The following TLR10 variants were observed in gnomAD, a reference collection of about 807,000 sequenced individuals.
TLR10 encodes the protein toll like receptor 10, also known as toll-like receptor 10.
For synonymous variants in TLR10, 288 were observed against 338.8 expected (o/e 0.85, Z 1.65); for missense variants, 929 against 932.9 (o/e 1.00, Z 0.05).
chr4:38,772,495 C>T lies in TLR10; in HGVS notation c.*660G>A, dbSNP rs918020341. The T allele has an allele frequency of 1.3e-5, 2 of 152,024 alleles. No individual in the cohort carries two copies. The highest frequency in any genetic ancestry group is 6.6e-5 in the Admixed American group (1 of 15,260). The allele number at this position is 152,024 out of a possible 1,614,324, so 9.4% of individuals were successfully genotyped here. A position where few individuals can be genotyped will look rare whatever the true frequency, so the allele number is the denominator to read the frequency against. ...TTATAACATATTAATATGTTTTTTC[C>T]ATACCAGGAAATATACAGCTACCTT... On this transcript the variant is annotated 3_prime_UTR_variant, in exon 4 of 4. Coordinates refer to ENST00000308973, the MANE Select transcript of TLR10 (RefSeq NM_030956.4).
At chr4:38,775,716 T>G (rs933453385) in intron 3 of TLR10, 59 bp downstream of exon 3, 216 of 1,039,370 alleles carry the variant, frequency 2.1e-4, no homozygotes, top group Non-Finnish European at 2.7e-4. Flanking sequence ...GATTTTTATT[T>G]GCAAAAAAAA....
chr4:38,781,404 A>G (rs1420869125), intron 1 of TLR10, among the ~76,000 whole-genome samples: 1 of 151,282 alleles, frequency 6.6e-6, no homozygotes, highest in East Asian at 1.9e-4. Flanking sequence ...GTATGATCTC[A>G]GCTCACTGCA....
At chr4:38,780,575 TG>T (rs760147432) in intron 1 of TLR10, among the ~76,000 whole-genome samples, 1 of 152,196 alleles carries the variant, frequency 6.6e-6, no homozygotes, top group Non-Finnish European at 1.5e-5. Flanking sequence ...AGACAATGTA[TG>T]TAAGTCACTT....
rs373978958 is a variant in TLR10 at position 38,780,351 on chromosome 4, C to T, written c.-569+2570G>A. On this transcript the variant is annotated intron_variant, in intron 1 of 3. Transcript: ENST00000308973. The stretch of plus-strand genomic sequence containing the variant: ...CCCAAAAGGTGGAGGTTGCAGTGAG[C>T]TGAGATGCCACCACTGCACTCCAGC... Among the ~76,000 whole-genome samples the T allele has an allele frequency of 5.6e-4, 84 of 150,678 alleles. No individual in the cohort carries two copies. The South Asian group carries it at 0.013, about 23-fold the overall frequency.
In TLR10 at chr4:38,773,503, C is replaced by A. The variant is rs149212123; in HGVS notation, c.2088G>T (p.Leu696Phe). 3,215 of 1,611,960 alleles carry A rather than the reference C, an allele frequency of 2.0e-3. 11 individuals are homozygous for A. The highest frequency in any genetic ancestry group is 2.3e-3 in the Non-Finnish European group (2,765 of 1,179,186). ...IEKSYKSIFV[L>F]SPNFVQNEWC... ...ACTCATTCTGGACAAAGTTGGGAGA[C>A]AAAACAAAGATGGACTTATAGCTTT... The change falls in exon 4 of 4, where the codon TTG (leucine) becomes TTT (phenylalanine). Residue 696 changes from leucine (L) to phenylalanine (F), a missense_variant. By Grantham distance (22) the Leu-to-Phe change is conservative. Coordinates refer to ENST00000308973, the MANE Select transcript of TLR10 (RefSeq NM_030956.4).
At position 38,775,943 on chromosome 4, in the gene TLR10, C is replaced by T. The variant is rs148500579; in HGVS notation, c.-231G>A. 1.1e-3 allele frequency: 194 copies of T among 174,022 alleles called. No individual in the cohort carries two copies. Among genetic ancestry groups the T allele is most frequent in the Non-Finnish European group, 1.8e-3 (152 of 82,902 alleles). 10.8% of individuals were successfully genotyped at this position (174,022 alleles called of 1,614,324 possible). A position where few individuals can be genotyped will look rare whatever the true frequency, so the allele number is the denominator to read the frequency against. ...TGTCAGGCCAGACTCAATACCCTCT[C>T]TCACATCTCCTTTTGATAGCCTGAA... On this transcript the variant is annotated 5_prime_UTR_variant, in exon 3 of 4. Transcript: ENST00000308973.
chr4:38,773,410 AAGAATTATATGATC>A lies in TLR10; in HGVS notation c.2167_2180del (p.Asp723TyrfsTer17), dbSNP rs1468327464. The A allele has an allele frequency of 1.2e-6, 2 of 1,613,480 alleles. No homozygotes were observed. The highest frequency in any genetic ancestry group is 2.7e-5 in the African/African-American group (2 of 74,878). ...AGAATGGAATGGGTTCCAGTAAGAT[AAGAATTATATGATC>A]AGAATTTTCATGGAAGAGATTGTGG... On this transcript the variant is annotated frameshift_variant, in exon 4 of 4. Coordinates refer to ENST00000308973, the MANE Select transcript of TLR10 (RefSeq NM_030956.4). LOFTEE classifies it low-confidence loss of function (END_TRUNC).
rs757323304 is a variant in TLR10 at position 38,774,652 on chromosome 4, G to C, written c.939C>G (p.Tyr313Ter). The change falls in exon 4 of 4, where the codon TAC becomes TAG. Residue 313 changes from tyrosine (Y) to a stop codon, truncating the protein, a stop_gained. Coordinates refer to ENST00000308973, the MANE Select transcript of TLR10 (RefSeq NM_030956.4). LOFTEE classifies it low-confidence loss of function (END_TRUNC). ...KLEHVHFRVF[Y>*]IQQDKIYLLL... ...GCAAATAGATTTTATCCTGTTGAAT[G>C]TAAAACACTCTGAAATGTACATGCT... 1 of 1,567,122 alleles carries C rather than the reference G, an allele frequency of 6.4e-7. No individual in the cohort carries two copies. Among genetic ancestry groups the C allele is most frequent in the African/African-American group, 1.4e-5 (1 of 72,780 alleles).
In TLR10 at chr4:38,775,079, A is replaced by G; in HGVS notation, c.512T>C (p.Phe171Ser). The change falls in exon 4 of 4, where the codon TTC (phenylalanine) becomes TCC (serine). Residue 171 changes from phenylalanine to serine, a missense_variant. By Grantham distance (155) the Phe-to-Ser change is radical (BLOSUM62 -2). Transcript: ENST00000308973. The part of the protein sequence containing the change: ...KIAHLHLNTV[F>S]LGFRTLPHYE... ...ATGAGGAAGAGTTCTGAATCCTAAG[A>G]AGACAGTATTTAGATGCAGATGAGC... The G allele has an allele frequency of 2.5e-6, 4 of 1,612,908 alleles. No homozygotes were observed. Among genetic ancestry groups the G allele is most frequent in the Non-Finnish European group, 3.4e-6 (4 of 1,179,988 alleles).
rs2109309367 is a variant in TLR10, at chr4:38,775,119, C to T, written c.472G>A (p.Asp158Asn). ...TGCAGATGAGCAATTTTCTGGAAATCTGATTTTTGTATTTTTGCCCCACTC... is the reference window on the plus strand; with the variant it reads ...TGCAGATGAGCAATTTTCTGGAAATTTGATTTTTGTATTTTTGCCCCACTC... ...GLSGAKIQKS[D>N]FQKIAHLHLN... Residue 158 changes from aspartate (D) to asparagine (N), a missense_variant, in exon 4 of 4, where the codon GAT becomes AAT. Coordinates refer to ENST00000308973, the MANE Select transcript of TLR10 (RefSeq NM_030956.4). 1 of 1,613,388 alleles carries T rather than the reference C, an allele frequency of 6.2e-7. No homozygotes were observed. The highest frequency in any genetic ancestry group is 2.2e-5 in the East Asian group (1 of 44,870).
intron 1 of TLR10, among the ~76,000 whole-genome samples, chr4:38,781,065 C>T (rs1026389321): frequency 1.3e-5 from 2 of 152,180 alleles, no homozygotes; most frequent in African/African-American, 4.8e-5. Flanking sequence ...ATACCACAGT[C>T]TTATCTGGGA....
rs186357292 is a variant in TLR10 at position 38,774,042 on chromosome 4, G to C, written c.1549C>G (p.Leu517Val). 3.7e-6 allele frequency: 6 copies of C among 1,610,828 alleles called. No individual in the cohort carries two copies. In the Admixed American group the frequency reaches 8.4e-5, roughly 23 times the overall value. Residue 517 changes from leucine to valine, a missense_variant, in exon 4 of 4, where the codon CTA (leucine) becomes GTA (valine). By Grantham distance (32) the Leu-to-Val change is conservative. Transcript: ENST00000308973. The part of the protein sequence containing the change: ...FVQSCQEVKT[L>V]NAGRNPFRCT... ...CGGAATGGATTTCTTCCCGCATTTA[G>C]AGTTTTAACTTCCTGGCAGCTCTGA...
At position 38,775,662 on chromosome 4, in the gene TLR10, AG is replaced by A. The variant is rs1294193065; in HGVS notation, c.-62-11del. 5.3e-5 allele frequency: 73 copies of A among 1,366,758 alleles called. No individual in the cohort carries two copies. The highest frequency in any genetic ancestry group is 1.3e-4 in the African/African-American group (9 of 67,556). The allele number at this position is 1,366,758 out of a possible 1,614,324, so 84.7% of individuals were successfully genotyped here. ...AGATGAGCTCAAAACCCTAAAAAAAAGTATATAATATTAGATTTTTATTTGG... is the reference window on the plus strand; with the variant it reads ...AGATGAGCTCAAAACCCTAAAAAAAATATATAATATTAGATTTTTATTTGG... On this transcript the variant is annotated splice_polypyrimidine_tract_variant and intron_variant, in intron 3 of 3. Coordinates refer to ENST00000308973, the MANE Select transcript of TLR10 (RefSeq NM_030956.4).
At position 38,774,774 on chromosome 4, in the gene TLR10, G is replaced by A. The variant is rs763319021; in HGVS notation, c.817C>T (p.His273Tyr). The A allele has an allele frequency of 1.9e-6, 3 of 1,602,194 alleles. No homozygotes were observed. Among genetic ancestry groups the A allele is most frequent in the Non-Finnish European group, 2.6e-6 (3 of 1,176,286 alleles). The change falls in exon 4 of 4, where the codon CAC (histidine) becomes TAC (tyrosine). Residue 273 changes from histidine to tyrosine, a missense_variant. Transcript: ENST00000308973. ...AAAGTCACATTTCGGATCTGAAAGT[G>A]TTCCACTGATGTATGCCAAACAAAT... ...LQFVWHTSVE[H>Y]FQIRNVTFGG...
In TLR10 at chr4:38,774,782, G is replaced by GATGT. The variant is rs766465410; in HGVS notation, c.805_808dup (p.Ser270TyrfsTer16). 1 of 1,602,496 alleles carries GATGT rather than the reference G, an allele frequency of 6.2e-7. No individual in the cohort carries two copies. Among genetic ancestry groups the GATGT allele is most frequent in the South Asian group, 1.1e-5 (1 of 88,388 alleles). ...ATTTCGGATCTGAAAGTGTTCCACT[G>GATGT]ATGTATGCCAAACAAATTGTAAGAT... On this transcript the variant is annotated frameshift_variant, in exon 4 of 4. Transcript: ENST00000308973. LOFTEE classifies it low-confidence loss of function (END_TRUNC).
intron 1 of TLR10, among the ~76,000 whole-genome samples, chr4:38,776,888 C>T (rs1725089332): frequency 6.6e-6 from 1 of 152,042 alleles, no homozygotes; most frequent in Non-Finnish European, 1.5e-5. Flanking sequence ...TGGTGGAAGG[C>T]GAATGAGGAG....
At position 38,774,876 on chromosome 4, in the gene TLR10, A is replaced by C. The variant is rs750517050; in HGVS notation, c.715T>G (p.Leu239Val). The C allele has an allele frequency of 1.9e-6, 3 of 1,607,430 alleles. No homozygotes were observed. The South Asian group carries it at 3.3e-5, about 18-fold the overall frequency. The change falls in exon 4 of 4, where the codon TTA (leucine) becomes GTA (valine). Residue 239 changes from leucine to valine, a missense_variant. By Grantham distance (32) the Leu-to-Val change is conservative (BLOSUM62 1). Transcript: ENST00000308973. ...AGAACCGATGTCTTAGCATTTTCTA[A>C]ACTAAGATTTCGTTGCATTTCATAA... ...VSYEMQRNLS[L>V]ENAKTSVLLL... is the part of the protein sequence containing the mutation.
Position 38,773,960 on chromosome 4 carries a change from A to G in TLR10, c.1631T>C (p.Met544Thr), listed in dbSNP as rs1274075318. 6 of 1,583,986 alleles carry G rather than the reference A, an allele frequency of 3.8e-6. No homozygotes were observed. The Admixed American group carries it at 5.3e-5, about 14-fold the overall frequency. Residue 544 changes from methionine (M) to threonine (T), a missense_variant, in exon 4 of 4, where the codon ATG becomes ACG. Coordinates refer to ENST00000308973, the MANE Select transcript of TLR10 (RefSeq NM_030956.4). ...IQLETYSEVM[M>T]VGWSDSYTCE... ...GGTGTATGAATCTGACCATCCAACC[A>G]TCATGACCTCTGAATATGTTTCAAG...
rs746184222 is a variant in TLR10, at chr4:38,773,108, A to G, written c.*47T>C. 6 of 1,441,448 alleles carry G rather than the reference A, an allele frequency of 4.2e-6. No individual in the cohort carries two copies. The highest frequency in any genetic ancestry group is 5.5e-6 in the Non-Finnish European group (6 of 1,097,854). The allele number at this position is 1,441,448 out of a possible 1,614,324, so 89.3% of individuals were successfully genotyped here. On this transcript the variant is annotated 3_prime_UTR_variant, in exon 4 of 4. Transcript: ENST00000308973. The stretch of plus-strand genomic sequence containing the variant: ...CATCATAAAGGTTGTATCAATGTAC[A>G]TCCCAACAGTGTATGTGGTCCCCAA...
Sources: allele counts gnomAD v4.1 joint callset (sites outside exome capture counted in the v4.1 genomes callset), GRCh38; gene constraint gnomAD v4.1.1; transcripts MANE v1.5; gene names NCBI Gene and HGNC (gene_info 2026-07-23, HGNC 2026-07-21).